Variants in C6 observed in about 807,000 individuals in gnomAD.
The protein encoded by C6 is complement C6, also known as complement component C6.
A neutral mutation model predicts 112.9 loss-of-function variants in C6; 101 were observed. The observed-to-expected ratio is 0.89, with a 90% CI of 0.76 to 1.06. The LOEUF is 1.06. C6 is among the 50% of genes least tolerant of loss of function. The pLI is 0.00. For missense variants in C6, 1,202 were observed against 1,104.6 expected, an observed-to-expected ratio of 1.09 and a Z score of -1.25; for synonymous variants, 431 against 384.1, an observed-to-expected ratio of 1.12 and a Z score of -1.43.
chr5:41,196,219 TG>T (rs1750607836), intron 4 of C6, among the ~76,000 whole-genome samples: 1 of 151,978 alleles, frequency 6.6e-6, no homozygotes, highest in Non-Finnish European at 1.5e-5. Context: ...ATAGAGATCA[TG>T]TTCAGTAGGA....
At chr5:41,219,311 G>T (rs1295962494) in intron 1 of C6, among the ~76,000 whole-genome samples, 1 of 152,152 alleles carries the variant, frequency 6.6e-6, no homozygotes, top group Non-Finnish European at 1.5e-5. Context: ...TTTTAGGTAG[G>T]GTCATCTAGA....
intron 8 of C6, among the ~76,000 whole-genome samples, chr5:41,174,307 C>G (rs1280368528): frequency 6.6e-6 from 1 of 152,132 alleles, no homozygotes; most frequent in Admixed American, 6.6e-5. Flanking sequence ...ACTGCAGTAC[C>G]TCATCTCTTA....
intron 1 of C6, among the ~76,000 whole-genome samples, chr5:41,209,285 G>A (rs1751700042): frequency 6.6e-6 from 1 of 152,144 alleles, no homozygotes; most frequent in African/African-American, 2.4e-5. Flanking sequence ...GTAAAAACTG[G>A]AAGCATTCCC....
chr5:41,155,816 C>T (rs1175683575), intron 13 of C6, among the ~76,000 whole-genome samples: 1 of 151,916 alleles, frequency 6.6e-6, no homozygotes, highest in Non-Finnish European at 1.5e-5. Flanking sequence ...ATGGGATGTC[C>T]TACTATTGCT....
At chr5:41,165,551 T>G (rs1054584058) in intron 9 of C6, among the ~76,000 whole-genome samples, 11 of 152,180 alleles carry the variant, frequency 7.2e-5, no homozygotes, top group Non-Finnish European at 2.9e-5. Flanking sequence ...CTTTTTAAAA[T>G]ATGTTCTTTT....
Position 41,258,383 on chromosome 5 carries a change from A to G in C6, c.-21+2811T>C, listed in dbSNP as rs116735602. ...GAAGTATCTACACTGTAGTAATTTC[A>G]TGATTTGGTTTAATGATTTTATTAG... On this transcript the variant is annotated intron_variant, in intron 1 of 17. Coordinates refer to the C6 transcript ENST00000263413. Among the ~76,000 whole-genome samples, 1,484 of 152,276 alleles carry G rather than the reference A, an allele frequency of 9.7e-3. 30 individuals carry two copies. The highest frequency in any genetic ancestry group is 0.034 in the African/African-American group (1,409 of 41,554).
chr5:41,209,893 G>T (rs976410152), intron 1 of C6, among the ~76,000 whole-genome samples: 3 of 152,284 alleles, frequency 2.0e-5, no homozygotes, highest in Non-Finnish European at 4.4e-5. Context: ...TACCAAAAAA[G>T]AGCCTGCATT....
chr5:41,158,322 T>G (rs1223780686), intron 13 of C6, among the ~76,000 whole-genome samples: 1 of 152,192 alleles, frequency 6.6e-6, no homozygotes, highest in Non-Finnish European at 1.5e-5. Flanking sequence ...CAGTCTAGTG[T>G]GTTTCTCTAA....
Position 41,220,095 on chromosome 5 carries a change from C to A in C6, c.-20-16845G>T, listed in dbSNP as rs185669694. On this transcript the variant is annotated intron_variant, in intron 1 of 17. Transcript: ENST00000263413. ...ATGACAAGAAATAGTCTCACAGTAACAAAATGTCAACATCTACTGACCTGG... is the reference window on the plus strand; with the variant it reads ...ATGACAAGAAATAGTCTCACAGTAAAAAAATGTCAACATCTACTGACCTGG... Among the ~76,000 whole-genome samples, 3 of 152,218 alleles carry A rather than the reference C, an allele frequency of 2.0e-5. No individual in the cohort carries two copies. The East Asian group carries it at 5.8e-4, about 29-fold the overall frequency.
At chr5:41,155,770 A>C (rs919154392) in intron 13 of C6, among the ~76,000 whole-genome samples, 1 of 151,624 alleles carries the variant, frequency 6.6e-6, no homozygotes. Context: ...AAAAACCCAA[A>C]ACAAAAAAAA....
intron 16 of C6, 60 bp from the exon 17 acceptor site, chr5:41,149,542 G>T: frequency 1.2e-6 from 2 of 1,601,968 alleles, no homozygotes; most frequent in Admixed American, 3.3e-5. Context: ...CAGGGGGCAC[G>T]TAGCCAATGT....
At chr5:41,240,370 G>A (rs937385543) in intron 1 of C6, among the ~76,000 whole-genome samples, 1 of 152,144 alleles carries the variant, frequency 6.6e-6, no homozygotes, top group Non-Finnish European at 1.5e-5. Flanking sequence ...TGAGCCTCCA[G>A]GTGGCTTTCT....
At chr5:41,152,611 A>G (rs1746511829) in intron 15 of C6, 1 of 152,156 alleles carries the variant, frequency 6.6e-6, no homozygotes, top group South Asian at 2.1e-4. Flanking sequence ...TTTCTTATTC[A>G]CAGTTGTTTT....
chr5:41,172,132 G>T, intron 9 of C6, 93 bp downstream of exon 9: 4 of 1,302,270 alleles, frequency 3.1e-6, no homozygotes, highest in Non-Finnish European at 4.5e-6. Flanking sequence ...TAAATGAAAA[G>T]CTAAAAATAG....
intron 1 of C6, among the ~76,000 whole-genome samples, chr5:41,224,158 A>T (rs750452396): frequency 1.3e-5 from 2 of 152,248 alleles, no homozygotes; most frequent in East Asian, 3.9e-4. Flanking sequence ...CTATTACCTC[A>T]CATACTTACC....
At chr5:41,248,889 T>A (rs1444841437) in intron 1 of C6, among the ~76,000 whole-genome samples, 4 of 152,144 alleles carry the variant, frequency 2.6e-5, no homozygotes. Context: ...TGCAGTGCTG[T>A]TCACAATAGC....
upstream of C6, among the ~76,000 whole-genome samples, chr5:41,215,907 C>T (rs528744584): frequency 2.9e-4 from 44 of 152,134 alleles, no homozygotes; most frequent in African/African-American, 9.2e-4. Flanking sequence ...TATTCACATG[C>T]CAACTTATCA....
At chr5:41,257,485 A>G (rs919178541) in intron 1 of C6, among the ~76,000 whole-genome samples, 40 of 152,144 alleles carry the variant, frequency 2.6e-4, no homozygotes, top group African/African-American at 9.4e-4. Flanking sequence ...GAACATATGA[A>G]TACATGTATC....
At chr5:41,171,265 G>T (rs909151599) in intron 9 of C6, among the ~76,000 whole-genome samples, 2 of 152,188 alleles carry the variant, frequency 1.3e-5, no homozygotes, top group African/African-American at 4.8e-5. Flanking sequence ...CAGCAGCCAG[G>T]TTTCTGGTTT....
Sources: gnomAD v4.1 joint callset for allele counts (sites outside exome capture counted in the v4.1 genomes callset) on GRCh38, gnomAD v4.1.1 for gene constraint, MANE v1.5 for transcripts, NCBI Gene and HGNC (gene_info 2026-07-23, HGNC 2026-07-21) for gene names.